ERC2: variants seen among roughly 807,000 people sequenced by gnomAD.
ERC2 encodes the protein ERC protein 2.
In ERC2, 42 loss-of-function variants were observed where a neutral mutation model predicts 114.8. The observed-to-expected ratio is 0.37, with a 90% CI of 0.29 to 0.47. The LOEUF is 0.47. Ranked by LOEUF, ERC2 falls within the 20% of genes least tolerant of loss-of-function variation. The probability of loss-of-function intolerance (pLI) is 0.99; values close to 1 mark genes in which losing one functional copy is unlikely to be tolerated. For missense variants in ERC2, 939 were observed against 1,150.7 expected, an observed-to-expected ratio of 0.82 and a Z score of 2.66; for synonymous variants, 454 against 425.5, an observed-to-expected ratio of 1.07 and a Z score of -0.82.
intron 7 of ERC2, among the ~76,000 whole-genome samples, chr3:56,042,975 G>T (rs1159288367): frequency 6.6e-6 from 1 of 152,086 alleles, no homozygotes; most frequent in Non-Finnish European, 1.5e-5. Flanking sequence ...ATCCAAAGGA[G>T]CTTCTAGAAA....
chr3:55,683,983 C>A, intron 16 of ERC2, 124 bp from the exon 17 acceptor site: 1 of 1,049,204 alleles, frequency 9.5e-7, no homozygotes, highest in Non-Finnish European at 1.4e-6. Flanking sequence ...GTTTTTTAAT[C>A]TTCAAGACTG....
intron 13 of ERC2, among the ~76,000 whole-genome samples, chr3:55,935,984 T>G (rs2066420858): frequency 6.6e-6 from 1 of 152,248 alleles, no homozygotes; most frequent in Non-Finnish European, 1.5e-5. Context: ...TTATTCATGG[T>G]TAGCCTATCT....
intron 3 of ERC2, among the ~76,000 whole-genome samples, chr3:56,252,248 C>G (rs1427803396): frequency 1.3e-5 from 2 of 152,140 alleles, no homozygotes; most frequent in Admixed American, 6.5e-5. Flanking sequence ...ATTTTTTAAT[C>G]TGGCTGAAAA....
At chr3:56,308,836 C>T (rs2056380347) in intron 2 of ERC2, among the ~76,000 whole-genome samples, 1 of 152,018 alleles carries the variant, frequency 6.6e-6, no homozygotes, top group South Asian at 2.1e-4. Flanking sequence ...CAAGCAAGTA[C>T]TTACCATAAC....
chr3:55,936,236 C>T (rs2066437335), intron 13 of ERC2, among the ~76,000 whole-genome samples: 1 of 152,150 alleles, frequency 6.6e-6, no homozygotes, highest in Admixed American at 6.5e-5. Context: ...GAAGCCACTA[C>T]CAATCCTCAG....
chr3:55,753,792 T>G (rs980475378), intron 14 of ERC2, among the ~76,000 whole-genome samples: 11 of 152,328 alleles, frequency 7.2e-5, no homozygotes, highest in Non-Finnish European at 1.5e-4. Flanking sequence ...TGCTTCTAAA[T>G]AAACTTAAAC....
chr3:56,042,587 C>A (rs1392957277), intron 7 of ERC2, among the ~76,000 whole-genome samples: 1 of 152,114 alleles, frequency 6.6e-6, no homozygotes, highest in African/African-American at 2.4e-5. Context: ...TACCAAAGCC[C>A]AAATTCAAAT....
chr3:56,292,115 T>C (rs2055126096), intron 3 of ERC2, among the ~76,000 whole-genome samples: 1 of 152,168 alleles, frequency 6.6e-6, no homozygotes, highest in Non-Finnish European at 1.5e-5. Flanking sequence ...TCTGGTCCCC[T>C]TCTTGGAAAT....
At chr3:55,749,143 G>A (rs56405010) in intron 14 of ERC2, among the ~76,000 whole-genome samples, 1 of 152,204 alleles carries the variant, frequency 6.6e-6, no homozygotes, top group African/African-American at 2.4e-5. Context: ...TAGGAACCCA[G>A]AGAAGTGACA....
intron 17 of ERC2, among the ~76,000 whole-genome samples, chr3:55,651,351 G>C (rs1467467825): frequency 6.6e-6 from 1 of 152,138 alleles, no homozygotes; most frequent in Non-Finnish European, 1.5e-5. Flanking sequence ...TCAGGGCTTT[G>C]TTTGCTCTCC....
At chr3:56,210,943 T>C (rs916324225) in intron 3 of ERC2, among the ~76,000 whole-genome samples, 1 of 152,146 alleles carries the variant, frequency 6.6e-6, no homozygotes, top group Non-Finnish European at 1.5e-5. Flanking sequence ...ACTTTCTGAA[T>C]AGGAGTGATA....
intron 3 of ERC2, among the ~76,000 whole-genome samples, chr3:56,273,836 G>A (rs2053819437): frequency 6.6e-6 from 1 of 152,146 alleles, no homozygotes; most frequent in Admixed American, 6.5e-5. Context: ...AAACTGTGTT[G>A]TCATCTTCTG....
chr3:55,965,650 A>G (rs2068698903), intron 12 of ERC2, among the ~76,000 whole-genome samples: 1 of 152,200 alleles, frequency 6.6e-6, no homozygotes, highest in Admixed American at 6.5e-5. Flanking sequence ...ATTTTCATTA[A>G]TGCAACTTAA....
At chr3:56,078,848 A>T (rs115549403) in intron 7 of ERC2, among the ~76,000 whole-genome samples, 29,829 of 148,574 alleles carry the variant, frequency 0.2, 3,384 homozygotes, top group African/African-American at 0.3. Flanking sequence ...ATATTTAAAT[A>T]TATATTTATT....
chr3:55,704,567 C>T (rs1359614827), intron 15 of ERC2, among the ~76,000 whole-genome samples: 1 of 152,162 alleles, frequency 6.6e-6, no homozygotes, highest in Non-Finnish European at 1.5e-5. Context: ...CAGCTCTTGT[C>T]TCCAAGTAAA....
At chr3:56,170,608 T>G (rs201586956) in intron 4 of ERC2, among the ~76,000 whole-genome samples, 8 of 80,268 alleles carry the variant, frequency 1.0e-4, no homozygotes, top group East Asian at 5.3e-4. Flanking sequence ...TTTTTTTTTT[T>G]TTTTTTGAGG....
intron 7 of ERC2, among the ~76,000 whole-genome samples, chr3:56,053,809 G>A (rs1253062148): frequency 1.3e-5 from 2 of 151,302 alleles, no homozygotes; most frequent in Non-Finnish European, 1.5e-5. Context: ...TTTTTTTTAA[G>A]TAAAACCTTA....
rs542041253 is a variant in ERC2, at chr3:56,457,549, A to C, written c.-141+10699T>G. Among the ~76,000 whole-genome samples the C allele has an allele frequency of 7.2e-5, 11 of 152,218 alleles. No individual in the cohort carries two copies. The East Asian group carries it at 2.1e-3, about 30-fold the overall frequency. ...TAAAAGGAGAATAAAGAGAATTCAG[A>C]GTCCTTGATCGTATCCGTCCCCTAC... On this transcript the variant is annotated intron_variant, in intron 1 of 17. Transcript: ENST00000288221.
intron 17 of ERC2, among the ~76,000 whole-genome samples, chr3:55,525,206 C>G (rs569717115): frequency 6.6e-6 from 1 of 152,266 alleles, no homozygotes; most frequent in African/African-American, 2.4e-5. Context: ...AGGAAGGTGG[C>G]TGGGATACAG....
Sources: allele counts gnomAD v4.1 joint callset (sites outside exome capture counted in the v4.1 genomes callset), GRCh38; gene constraint gnomAD v4.1.1; transcripts MANE v1.5; gene names NCBI Gene and HGNC (gene_info 2026-07-23, HGNC 2026-07-21).